NALF1: variants seen among roughly 807,000 people sequenced by gnomAD.
NALF1 encodes the protein family with sequence similarity 155 member A.
NALF1 carries 3 observed loss-of-function variants against 48.4 expected under a neutral mutation model. The observed-to-expected ratio is 0.06, with a 90% confidence interval of 0.03 to 0.16. The LOEUF is 0.16. Among genes scored for constraint, NALF1 ranks in the 10% least tolerant of loss-of-function variants. The pLI is 1.00. For missense variants in NALF1, 526 were observed against 571.5 expected, an observed-to-expected ratio of 0.92 and a Z score of 0.81; for synonymous variants, 262 against 245.7, an observed-to-expected ratio of 1.07 and a Z score of -0.62.
At chr13:107,375,115 GATAAGT>G (rs1184944626) in intron 1 of NALF1, among the ~76,000 whole-genome samples, 5 of 152,204 alleles carry the variant, frequency 3.3e-5, no homozygotes, top group Non-Finnish European at 7.4e-5. Flanking sequence ...ATTTGAATAG[GATAAGT>G]ATAACACATT....
chr13:107,528,778 T>C (rs1021662953), intron 1 of NALF1, among the ~76,000 whole-genome samples: 4 of 152,120 alleles, frequency 2.6e-5, no homozygotes, highest in African/African-American at 4.8e-5. Context: ...ATTGAAAAGA[T>C]TGCTTGTCAT....
chr13:107,165,786 T>C lies in NALF1; in HGVS notation c.*4711A>G, dbSNP rs890348371. 15 of 152,196 alleles carry C rather than the reference T, an allele frequency of 9.9e-5. No individual in the cohort carries two copies. Among genetic ancestry groups the C allele is most frequent in the Admixed American group, 9.8e-4 (15 of 15,282 alleles). 9.4% of individuals were successfully genotyped at this position (152,196 alleles called of 1,614,324 possible). ...GCTATATTAGGTTTTTTATAAACAT[T>C]GTTAAAGCTTGGAAGATGGAGATTC... is the stretch of plus-strand genomic sequence containing the variant. On this transcript the variant is annotated 3_prime_UTR_variant, in exon 3 of 3. Transcript: ENST00000375915.
intron 1 of NALF1, among the ~76,000 whole-genome samples, chr13:107,812,851 C>T (rs1239664262): frequency 6.6e-6 from 1 of 151,960 alleles, no homozygotes; most frequent in South Asian, 2.1e-4. Flanking sequence ...CCTAGGTTGG[C>T]GTGCAGTGGT....
chr13:107,727,732 G>T (rs962220507), intron 1 of NALF1, among the ~76,000 whole-genome samples: 1 of 152,180 alleles, frequency 6.6e-6, no homozygotes, highest in South Asian at 2.1e-4. Flanking sequence ...TATCATCAGA[G>T]TGAACAGGCA....
At chr13:107,337,156 G>A (rs1015567862) in intron 1 of NALF1, among the ~76,000 whole-genome samples, 1 of 151,060 alleles carries the variant, frequency 6.6e-6, no homozygotes, top group Non-Finnish European at 1.5e-5. Flanking sequence ...TGGGTGGTCA[G>A]ATATTTGTTC....
intron 1 of NALF1, among the ~76,000 whole-genome samples, chr13:107,412,158 C>T (rs1401361471): frequency 6.6e-6 from 1 of 152,040 alleles, no homozygotes; most frequent in South Asian, 2.1e-4. Context: ...TTTCCACGCG[C>T]TTAAACAATA....
chr13:107,459,272 T>G (rs999781728), intron 1 of NALF1, among the ~76,000 whole-genome samples: 9 of 152,088 alleles, frequency 5.9e-5, no homozygotes, highest in African/African-American at 2.2e-4. Flanking sequence ...AACAGACACC[T>G]CATCAGAGAA....
chr13:107,189,909 G>GTCT (rs1879247805), intron 2 of NALF1, among the ~76,000 whole-genome samples: 1 of 152,218 alleles, frequency 6.6e-6, no homozygotes, highest in Non-Finnish European at 1.5e-5. Flanking sequence ...ATGTCTGTGT[G>GTCT]TCTTCGTGTT....
In NALF1 at chr13:107,255,912, TC is replaced by T. The variant is rs199555433; in HGVS notation, c.916-45158del. Reference sequence around the variant, plus strand: ...AATGGATGAACACATTTATTGGTTATCTAACATAGGAAGGTATTATTAATAT... The same window carrying T: ...AATGGATGAACACATTTATTGGTTATTAACATAGGAAGGTATTATTAATAT... On this transcript the variant is annotated intron_variant, in intron 1 of 2. Coordinates refer to ENST00000375915, the MANE Select transcript of NALF1 (RefSeq NM_001080396.3). 6.9e-3 allele frequency among the ~76,000 whole-genome samples: 1,058 copies of T among 152,278 alleles called. 5 individuals carry two copies. Among genetic ancestry groups the T allele is most frequent in the Middle Eastern group, 0.014 (4 of 294 alleles).
chr13:107,170,058 T>C lies in NALF1; in HGVS notation c.*439A>G, dbSNP rs182481658. On this transcript the variant is annotated 3_prime_UTR_variant, in exon 3 of 3. Coordinates refer to ENST00000375915, the MANE Select transcript of NALF1 (RefSeq NM_001080396.3). The stretch of plus-strand genomic sequence containing the variant: ...GAGGTCATAGCAATCATTCCTCTAA[T>C]AGAAGCTGACAGGACATAAAGACAG... 1.3e-5 allele frequency: 2 copies of C among 154,860 alleles called. No individual in the cohort carries two copies. The allele number at this position is 154,860 out of a possible 1,614,324, so 9.6% of individuals were successfully genotyped here.
chr13:107,372,708 C>T (rs1883268250), intron 1 of NALF1, among the ~76,000 whole-genome samples: 2 of 152,158 alleles, frequency 1.3e-5, no homozygotes, highest in Admixed American at 6.5e-5. Context: ...TAGATCAATG[C>T]TTTAAAAATG....
chr13:107,503,561 C>T (rs1383269762), intron 1 of NALF1, among the ~76,000 whole-genome samples: 1 of 152,068 alleles, frequency 6.6e-6, no homozygotes, highest in Non-Finnish European at 1.5e-5. Context: ...AGAAATAAAA[C>T]TAGGGCTACC....
At chr13:107,283,192 T>A (rs545028376) in intron 1 of NALF1, among the ~76,000 whole-genome samples, 1 of 152,236 alleles carries the variant, frequency 6.6e-6, no homozygotes, top group East Asian at 1.9e-4. Context: ...AACTAACTCA[T>A]ATAATTAGGC....
At chr13:107,220,449 T>G (rs1018831816) in intron 1 of NALF1, among the ~76,000 whole-genome samples, 2 of 152,162 alleles carry the variant, frequency 1.3e-5, no homozygotes, top group African/African-American at 4.8e-5. Context: ...ATTTAAAAAG[T>G]CAGAGTGAAC....
At chr13:107,193,688 GC>G (rs1309116363) in intron 2 of NALF1, among the ~76,000 whole-genome samples, 2 of 152,224 alleles carry the variant, frequency 1.3e-5, no homozygotes, top group East Asian at 3.9e-4. Flanking sequence ...TTACATGATT[GC>G]CCAAGTGTGG....
chr13:107,181,820 A>C (rs1018362172), intron 2 of NALF1, among the ~76,000 whole-genome samples: 1 of 152,136 alleles, frequency 6.6e-6, no homozygotes, highest in African/African-American at 2.4e-5. Context: ...TAAACTAGGA[A>C]AAATATGACA....
At chr13:107,538,153 A>G (rs775881765) in intron 1 of NALF1, among the ~76,000 whole-genome samples, 3 of 152,120 alleles carry the variant, frequency 2.0e-5, no homozygotes, top group Non-Finnish European at 4.4e-5. Context: ...GAAGACCACA[A>G]TTGACTTTCA....
chr13:107,597,318 C>T (rs1193156480), intron 1 of NALF1, among the ~76,000 whole-genome samples: 1 of 152,078 alleles, frequency 6.6e-6, no homozygotes. Flanking sequence ...ACATGACCCT[C>T]CTGCATAGGT....
At chr13:107,790,393 A>G (rs553569032) in intron 1 of NALF1, among the ~76,000 whole-genome samples, 1 of 152,324 alleles carries the variant, frequency 6.6e-6, no homozygotes, top group East Asian at 1.9e-4. Context: ...TACAAAGACT[A>G]ATTTTATTTT....
Sources: allele counts gnomAD v4.1 joint callset (sites outside exome capture counted in the v4.1 genomes callset), GRCh38; gene constraint gnomAD v4.1.1; transcripts MANE v1.5; gene names NCBI Gene and HGNC (gene_info 2026-07-23, HGNC 2026-07-21).